Variants in KSR2 observed in about 807,000 individuals in gnomAD.
The protein encoded by KSR2 is kinase suppressor of ras 2.
KSR2 carries 25 observed loss-of-function variants against 107.8 expected under a neutral mutation model. That is an observed-to-expected ratio of 0.23 (90% CI 0.17 to 0.32). KSR2 has a LOEUF of 0.32. KSR2 is among the 10% of genes least tolerant of loss of function. KSR2 has a pLI of 1.00. For missense variants in KSR2, 887 were observed against 1,268.9 expected (o/e 0.70, Z 4.57); for synonymous variants, 480 against 507.0 (o/e 0.95, Z 0.71).
At chr12:117,637,486 T>G (rs1442179735) in intron 5 of KSR2, among the ~76,000 whole-genome samples, 1 of 152,118 alleles carries the variant, frequency 6.6e-6, no homozygotes, top group Non-Finnish European at 1.5e-5. Flanking sequence ...ACTGATCACA[T>G]CCAGTTGCAG....
chr12:117,946,182 G>A (rs1422364677), intron 1 of KSR2, among the ~76,000 whole-genome samples: 1 of 151,594 alleles, frequency 6.6e-6, no homozygotes, highest in East Asian at 1.9e-4. Context: ...CAACAAAACA[G>A]GAAGAAAAGG....
intron 1 of KSR2, among the ~76,000 whole-genome samples, chr12:117,861,065 A>C (rs531339977): frequency 6.6e-6 from 1 of 152,232 alleles, no homozygotes; most frequent in South Asian, 2.1e-4. Context: ...GAACTCCTCC[A>C]ACAGACACCC....
chr12:117,668,355 T>A (rs558472181), intron 4 of KSR2, among the ~76,000 whole-genome samples: 1 of 152,206 alleles, frequency 6.6e-6, no homozygotes, highest in East Asian at 1.9e-4. Context: ...GAGCCTCAGA[T>A]GGTGCCCACC....
intron 3 of KSR2, among the ~76,000 whole-genome samples, chr12:117,788,117 A>G (rs527619706): frequency 6.6e-6 from 1 of 152,338 alleles, no homozygotes; most frequent in South Asian, 2.1e-4. Flanking sequence ...TTGTTCTAGG[A>G]GGTTCCAGGA....
intron 14 of KSR2, among the ~76,000 whole-genome samples, chr12:117,499,669 C>A (rs971335811): frequency 4.6e-5 from 7 of 152,208 alleles, no homozygotes; most frequent in Admixed American, 1.3e-4. Context: ...TGGAAGTGGG[C>A]ACACAACAAA....
chr12:117,571,606 G>A (rs942292125), intron 7 of KSR2, among the ~76,000 whole-genome samples: 1 of 152,180 alleles, frequency 6.6e-6, no homozygotes, highest in Non-Finnish European at 1.5e-5. Flanking sequence ...CAAGATGGAA[G>A]TGGGTGATGT....
At position 117,455,030 on chromosome 12, in the gene KSR2, C is replaced by CAGAGAGAGAGAGAGAGAGAGAGAG. The variant is rs1246200364; in HGVS notation, c.*12168_*12169insCTCTCTCTCTCTCTCTCTCTCTCT. 11 of 120,160 alleles carry CAGAGAGAGAGAGAGAGAGAGAGAG rather than the reference C, an allele frequency of 9.2e-5. No individual in the cohort carries two copies. The highest frequency in any genetic ancestry group is 2.8e-4 in the African/African-American group (7 of 25,010). 7.4% of individuals were successfully genotyped at this position (120,160 alleles called of 1,614,324 possible). A position where few individuals can be genotyped will look rare whatever the true frequency, so the allele number is the denominator to read the frequency against. ...AGACAGAGACAGACACAGAGACAGA[C>CAGAGAGAGAGAGAGAGAGAGAGAG]AGACAGAGAGAGAGAGAGAGAGAGA... On this transcript the variant is annotated 3_prime_UTR_variant, in exon 20 of 20. Transcript: ENST00000339824.
intron 4 of KSR2, among the ~76,000 whole-genome samples, chr12:117,722,987 A>G (rs947280094): frequency 6.6e-6 from 1 of 152,190 alleles, no homozygotes; most frequent in Non-Finnish European, 1.5e-5. Flanking sequence ...GGGCCAGTGG[A>G]TGGCAGGAGT....
At chr12:117,511,211 T>C (rs1408140074) in intron 14 of KSR2, among the ~76,000 whole-genome samples, 1 of 152,234 alleles carries the variant, frequency 6.6e-6, no homozygotes, top group Non-Finnish European at 1.5e-5. Context: ...GGCTTCTGTT[T>C]CCTGATGATC....
intron 1 of KSR2, among the ~76,000 whole-genome samples, chr12:117,913,934 A>G (rs569987732): frequency 2.0e-5 from 3 of 151,030 alleles, no homozygotes; most frequent in East Asian, 1.9e-4. Flanking sequence ...CAACACACCA[A>G]CCTCTCCCAT....
At chr12:117,864,001 C>T (rs1472778869) in intron 1 of KSR2, among the ~76,000 whole-genome samples, 1 of 152,112 alleles carries the variant, frequency 6.6e-6, no homozygotes, top group African/African-American at 2.4e-5. Context: ...TCTGCAAAGT[C>T]CTTTTTCCCA....
chr12:117,862,454 C>G (rs2137253175), intron 1 of KSR2, among the ~76,000 whole-genome samples: 1 of 152,024 alleles, frequency 6.6e-6, no homozygotes, highest in Non-Finnish European at 1.5e-5. Flanking sequence ...CTGCTTGAGC[C>G]CAGGAGTTTG....
chr12:117,725,158 C>T (rs967450931), intron 4 of KSR2, among the ~76,000 whole-genome samples: 3 of 151,626 alleles, frequency 2.0e-5, no homozygotes, highest in African/African-American at 4.9e-5. Context: ...CAGAAAGGCA[C>T]GAGAAATAAC....
At chr12:117,587,223 A>G (rs1318109815) in intron 5 of KSR2, among the ~76,000 whole-genome samples, 2 of 152,196 alleles carry the variant, frequency 1.3e-5, no homozygotes, top group Non-Finnish European at 2.9e-5. Context: ...GCAAAAAGAG[A>G]TGCTGAAGAC....
At chr12:117,584,081 T>C (rs558569257) in intron 5 of KSR2, among the ~76,000 whole-genome samples, 17 of 152,124 alleles carry the variant, frequency 1.1e-4, no homozygotes, top group Non-Finnish European at 2.1e-4. Context: ...AAAGCTGGGA[T>C]CCTTTATGAG....
chr12:117,560,540 T>C (rs769668414), intron 7 of KSR2, among the ~76,000 whole-genome samples: 11 of 152,222 alleles, frequency 7.2e-5, no homozygotes, highest in Non-Finnish European at 1.2e-4. Flanking sequence ...ACGTGCTATC[T>C]CCAGTCCCAG....
At chr12:117,599,788 G>A (rs2136288009) in intron 5 of KSR2, among the ~76,000 whole-genome samples, 1 of 152,320 alleles carries the variant, frequency 6.6e-6, no homozygotes, top group South Asian at 2.1e-4. Flanking sequence ...CATTGAAGAA[G>A]ACTCCAATAT....
At chr12:117,866,402 C>A (rs191099866) in intron 1 of KSR2, among the ~76,000 whole-genome samples, 3 of 152,326 alleles carry the variant, frequency 2.0e-5, no homozygotes, top group Admixed American at 6.5e-5. Context: ...TAACAATATG[C>A]AACACAATTT....
At chr12:117,499,430 T>A (rs142629893) in intron 14 of KSR2, among the ~76,000 whole-genome samples, 2 of 152,348 alleles carry the variant, frequency 1.3e-5, no homozygotes, top group Non-Finnish European at 2.9e-5. Flanking sequence ...GAAAAGCACC[T>A]CTGACTTCTG....
Sources: allele counts gnomAD v4.1 joint callset (sites outside exome capture counted in the v4.1 genomes callset), GRCh38; gene constraint gnomAD v4.1.1; transcripts MANE v1.5; gene names NCBI Gene and HGNC (gene_info 2026-07-23, HGNC 2026-07-21).